The following SH3RF1 variants were observed in gnomAD, a reference collection of about 807,000 sequenced individuals.
SH3RF1 encodes the protein E3 ubiquitin-protein ligase SH3RF1.
A neutral mutation model predicts 74.0 loss-of-function variants in SH3RF1; 32 were observed. That is an observed-to-expected ratio of 0.43 (90% CI 0.33 to 0.58). The LOEUF is 0.58. Ranked by LOEUF, SH3RF1 falls within the 20% of genes least tolerant of loss-of-function variation. The probability of loss-of-function intolerance (pLI) is 0.05; values close to 1 mark genes in which losing one functional copy is unlikely to be tolerated. For missense variants in SH3RF1, 954 were observed against 1,130.9 expected, an observed-to-expected ratio of 0.84 and a Z score of 2.24; for synonymous variants, 396 against 439.6, an observed-to-expected ratio of 0.90 and a Z score of 1.24.
intron 5 of SH3RF1, 67 bp from the exon 6 acceptor site, chr4:169,130,223 C>G (rs1435154559): frequency 9.1e-7 from 1 of 1,098,152 alleles, no homozygotes; most frequent in Admixed American, 3.6e-5. Flanking sequence ...ACTGGCTAAA[C>G]CTTAGAAAGG....
intron 2 of SH3RF1, among the ~76,000 whole-genome samples, chr4:169,168,214 A>C (rs1431205209): frequency 7.4e-6 from 1 of 134,844 alleles, no homozygotes; most frequent in African/African-American, 2.9e-5. Context: ...TGGCAAAATG[A>C]GAAAAGAAAT....
At chr4:169,234,020 T>G (rs1730786044) in intron 2 of SH3RF1, among the ~76,000 whole-genome samples, 1 of 152,160 alleles carries the variant, frequency 6.6e-6, no homozygotes, top group Admixed American at 6.6e-5. Flanking sequence ...TGATTTTTTG[T>G]TGTTGTTTTT....
intron 2 of SH3RF1, among the ~76,000 whole-genome samples, chr4:169,206,588 T>C (rs781494656): frequency 7.2e-5 from 11 of 152,148 alleles, no homozygotes; most frequent in Non-Finnish European, 1.5e-4. Context: ...TCAAGAAACA[T>C]TTGGGACAAG....
At chr4:169,107,246 G>C (rs772410386) in intron 10 of SH3RF1, 41 bp from the exon 11 acceptor site, 1 of 1,492,948 alleles carries the variant, frequency 6.7e-7, no homozygotes, top group South Asian at 1.4e-5. Flanking sequence ...GAGAATGACA[G>C]TACTATTGCT....
intron 2 of SH3RF1, among the ~76,000 whole-genome samples, chr4:169,188,157 G>A (rs1405578086): frequency 6.6e-6 from 1 of 152,136 alleles, no homozygotes; most frequent in African/African-American, 2.4e-5. Context: ...AGAACTGAGA[G>A]AGAATAAATT....
At chr4:169,202,683 A>C (rs1050498887) in intron 2 of SH3RF1, among the ~76,000 whole-genome samples, 1 of 152,242 alleles carries the variant, frequency 6.6e-6, no homozygotes, top group Admixed American at 6.5e-5. Flanking sequence ...TACAGAAATA[A>C]CACAATAATT....
chr4:169,114,806 G>C (rs1228862421), intron 10 of SH3RF1, among the ~76,000 whole-genome samples: 1 of 152,060 alleles, frequency 6.6e-6, no homozygotes, highest in African/African-American at 2.4e-5. Flanking sequence ...TAACTTTTTA[G>C]TAGGCCATAA....
At chr4:169,243,509 T>C (rs1730947894) in intron 2 of SH3RF1, among the ~76,000 whole-genome samples, 1 of 152,156 alleles carries the variant, frequency 6.6e-6, no homozygotes, top group Admixed American at 6.5e-5. Flanking sequence ...CAAGATTCCT[T>C]CTCAATAAAT....
intron 5 of SH3RF1, among the ~76,000 whole-genome samples, chr4:169,134,233 G>C (rs1733662680): frequency 6.6e-6 from 1 of 152,182 alleles, no homozygotes; most frequent in South Asian, 2.1e-4. Context: ...AATGGTTGAA[G>C]GGGAAACTTT....
chr4:169,131,688 C>A (rs980395766), intron 5 of SH3RF1, among the ~76,000 whole-genome samples: 4 of 152,210 alleles, frequency 2.6e-5, no homozygotes, highest in Admixed American at 6.5e-5. Flanking sequence ...ACTTTGCAAA[C>A]CCCCACCTTT....
At chr4:169,190,501 A>C (rs1015677441) in intron 2 of SH3RF1, among the ~76,000 whole-genome samples, 5 of 152,030 alleles carry the variant, frequency 3.3e-5, no homozygotes, top group Non-Finnish European at 7.4e-5. Flanking sequence ...AGAGAGATAC[A>C]ACCCTCCTAG....
rs369040551 is a variant in SH3RF1, at chr4:169,117,555, G to A, written c.1745C>T (p.Thr582Ile). 6.2e-7 allele frequency: 1 copy of A among 1,614,118 alleles called. No individual in the cohort carries two copies. Among genetic ancestry groups the A allele is most frequent in the Non-Finnish European group, 8.5e-7 (1 of 1,180,056 alleles). ...CACAGCATTGCGGGCCTGGTTGACT[G>A]TCATTTGCCCCGTCATGTGCAACAA... ...KVLLHMTGQMTVNQARNAVRT... is the reference protein window; with the variant it reads ...KVLLHMTGQMIVNQARNAVRT... The change falls in exon 9 of 12, where the codon ACA (threonine) becomes ATA (isoleucine). Residue 582 changes from threonine to isoleucine, a missense_variant. Around this residue, in one of 3 missense-constraint regions of SH3RF1, gnomAD observed 854 missense variants for 962.5 expected, o/e 0.89. Transcript: ENST00000284637.
At chr4:169,197,254 AG>A (rs1327942543) in intron 2 of SH3RF1, among the ~76,000 whole-genome samples, 1 of 152,022 alleles carries the variant, frequency 6.6e-6, no homozygotes, top group Non-Finnish European at 1.5e-5. Context: ...CACGTGCCTC[AG>A]CCACCCAAAG....
At chr4:169,118,575 C>A (rs368998464) in intron 8 of SH3RF1, among the ~76,000 whole-genome samples, 1 of 152,076 alleles carries the variant, frequency 6.6e-6, no homozygotes, top group Non-Finnish European at 1.5e-5. Flanking sequence ...CCTGTCTAAG[C>A]CTCCCGAGTA....
intron 2 of SH3RF1, among the ~76,000 whole-genome samples, chr4:169,214,819 C>T (rs556832514): frequency 7.4e-4 from 112 of 152,228 alleles, no homozygotes; most frequent in African/African-American, 2.5e-3. Context: ...TTCAACCTTG[C>T]TAATTGACTA....
At chr4:169,219,591 T>C (rs968590935) in intron 2 of SH3RF1, among the ~76,000 whole-genome samples, 7 of 152,200 alleles carry the variant, frequency 4.6e-5, no homozygotes, top group African/African-American at 1.7e-4. Flanking sequence ...GGATGGTGTA[T>C]AAGGAGCAGC....
chr4:169,196,264 A>C (rs546878750), intron 2 of SH3RF1, among the ~76,000 whole-genome samples: 145 of 152,348 alleles, frequency 9.5e-4, no homozygotes, highest in African/African-American at 3.4e-3. Flanking sequence ...TAACATCATC[A>C]ACAGGTTCTT....
chr4:169,104,207 T>C (rs149415257), intron 11 of SH3RF1, among the ~76,000 whole-genome samples: 3 of 152,034 alleles, frequency 2.0e-5, no homozygotes, highest in African/African-American at 7.2e-5. Context: ...AAGTGAACCA[T>C]CACTCAAAAG....
chr4:169,193,224 T>C (rs947345513), intron 2 of SH3RF1, among the ~76,000 whole-genome samples: 4 of 152,026 alleles, frequency 2.6e-5, no homozygotes, highest in African/African-American at 9.7e-5. Context: ...ATCTCACAAA[T>C]CACCACTAAA....
Sources: allele counts gnomAD v4.1 joint callset (sites outside exome capture counted in the v4.1 genomes callset), GRCh38; gene constraint gnomAD v4.1.1; regional missense constraint gnomAD v4.1.1; transcripts MANE v1.5; gene names NCBI Gene and HGNC (gene_info 2026-07-23, HGNC 2026-07-21).